Variants in SNAP91 observed in about 807,000 individuals in gnomAD.
SNAP91 encodes the protein synaptosome associated protein 91.
In SNAP91, 27 loss-of-function variants were observed where a neutral mutation model predicts 100.3. The observed-to-expected ratio is 0.27, with a 90% confidence interval of 0.20 to 0.37. SNAP91 has a LOEUF of 0.37. Ranked by LOEUF, SNAP91 falls within the 10% of genes least tolerant of loss-of-function variation. The probability of loss-of-function intolerance (pLI) is 1.00; values close to 1 mark genes in which losing one functional copy is unlikely to be tolerated. For missense variants in SNAP91, 986 were observed against 1,123.7 expected (o/e 0.88, Z 1.75); for synonymous variants, 404 against 398.6 (o/e 1.01, Z -0.16).
intron 8 of SNAP91, among the ~76,000 whole-genome samples, chr6:83,624,224 G>T (rs2096844561): frequency 6.6e-6 from 1 of 151,944 alleles, no homozygotes; most frequent in African/African-American, 2.4e-5. Context: ...ATTAATAAAG[G>T]TAAATCAATG....
intron 1 of SNAP91, 117 bp from the exon 2 acceptor site, chr6:83,708,074 G>T: frequency 1.2e-6 from 1 of 856,148 alleles, no homozygotes; most frequent in Non-Finnish European, 1.7e-6. Context: ...CCCCACCCTG[G>T]CACCACCTCT....
At chr6:83,608,463 C>A (rs1277050185) in intron 12 of SNAP91, among the ~76,000 whole-genome samples, 1 of 151,986 alleles carries the variant, frequency 6.6e-6, no homozygotes, top group Non-Finnish European at 1.5e-5. Context: ...TATTTAGTTA[C>A]TGTAACTAAA....
At chr6:83,692,968 TCTCA>T (rs1261765934) in intron 2 of SNAP91, among the ~76,000 whole-genome samples, 1 of 152,108 alleles carries the variant, frequency 6.6e-6, no homozygotes, top group Non-Finnish European at 1.5e-5. Context: ...TGAGACAGGG[TCTCA>T]CTATGTTGCC....
intron 16 of SNAP91, among the ~76,000 whole-genome samples, chr6:83,597,144 G>T (rs1419112671): frequency 6.6e-6 from 1 of 152,098 alleles, no homozygotes; most frequent in Non-Finnish European, 1.5e-5. Context: ...ACACCTGTCA[G>T]AAATTTTCTT....
At chr6:83,659,700 G>A (rs981414157) in intron 5 of SNAP91, among the ~76,000 whole-genome samples, 2 of 151,990 alleles carry the variant, frequency 1.3e-5, no homozygotes, top group Non-Finnish European at 2.9e-5. Context: ...CCAAAGTGCT[G>A]AGACTATAGC....
At chr6:83,555,956 T>TA (rs1441702451) in intron 29 of SNAP91, among the ~76,000 whole-genome samples, 187 bp downstream of exon 29, 1 of 152,126 alleles carries the variant, frequency 6.6e-6, no homozygotes, top group Non-Finnish European at 1.5e-5. Flanking sequence ...CCCTCCTAGT[T>TA]ACATAAATTA....
chr6:83,616,045 A>G (rs898483825), intron 10 of SNAP91, among the ~76,000 whole-genome samples: 2 of 152,226 alleles, frequency 1.3e-5, no homozygotes, highest in Non-Finnish European at 2.9e-5. Context: ...AAGTGTTTAA[A>G]TGGACATAAT....
rs79592090 is a variant in SNAP91 at position 83,689,429 on chromosome 6, G to C, written c.130+18369C>G. On this transcript the variant is annotated intron_variant, in intron 2 of 29. Transcript: ENST00000369694. ...CTAACACCTAGGAGAATATACTATG[G>C]TCTCTAGTAAAAATTAGTTGAATAT... Among the ~76,000 whole-genome samples, 1,185 of 152,012 alleles carry C rather than the reference G, an allele frequency of 7.8e-3. 16 individuals carry two copies. The highest frequency in any genetic ancestry group is 0.027 in the African/African-American group (1,106 of 41,462).
intron 26 of SNAP91, among the ~76,000 whole-genome samples, chr6:83,564,348 TA>T (rs1359219356): frequency 1.5e-5 from 2 of 136,658 alleles, no homozygotes; most frequent in Admixed American, 8.4e-5. Context: ...TTTTTTTTTA[TA>T]TATATATATA....
chr6:83,591,974 G>A (rs149176237), intron 21 of SNAP91, among the ~76,000 whole-genome samples: 214 of 152,298 alleles, frequency 1.4e-3, no homozygotes, highest in Middle Eastern at 3.4e-3. Flanking sequence ...CTAACTCTTT[G>A]TAAGGATAGC....
chr6:83,703,145 A>G (rs943199651), intron 2 of SNAP91, among the ~76,000 whole-genome samples: 1 of 150,752 alleles, frequency 6.6e-6, no homozygotes, highest in Admixed American at 6.7e-5. Flanking sequence ...GGTACAGTAA[A>G]GTGAGAGGGT....
At chr6:83,701,014 T>C (rs1184273424) in intron 2 of SNAP91, among the ~76,000 whole-genome samples, 1 of 152,194 alleles carries the variant, frequency 6.6e-6, no homozygotes, top group Admixed American at 6.5e-5. Context: ...AATTCTAAGA[T>C]TTCATGCATG....
At chr6:83,619,506 T>C (rs1236740577) in intron 9 of SNAP91, among the ~76,000 whole-genome samples, 1 of 152,168 alleles carries the variant, frequency 6.6e-6, no homozygotes, top group East Asian at 1.9e-4. Context: ...ATGAGCAGGC[T>C]CTTTAGTTGC....
rs2099247616 is a variant in SNAP91, at chr6:83,698,311, A to G, written c.130+9487T>C. On this transcript the variant is annotated intron_variant, in intron 2 of 29. Transcript: ENST00000369694. ...TTAGATGAACTCACAAGAAAATAAA[A>G]GCAATCTCCAAGGCCAAAAAAAAAA... is the stretch of plus-strand genomic sequence containing the variant. Among the ~76,000 whole-genome samples, 3 of 148,148 alleles carry G rather than the reference A, an allele frequency of 2.0e-5. No homozygotes were observed. In the South Asian group the frequency reaches 6.5e-4, roughly 32 times the overall value.
At chr6:83,625,214 A>G (rs2096886217) in intron 8 of SNAP91, among the ~76,000 whole-genome samples, 1 of 152,140 alleles carries the variant, frequency 6.6e-6, no homozygotes, top group African/African-American at 2.4e-5. Flanking sequence ...TGCTAAGGGC[A>G]TGATTTCATT....
chr6:83,651,611 A>G (rs149632095), intron 7 of SNAP91, among the ~76,000 whole-genome samples: 1 of 152,240 alleles, frequency 6.6e-6, no homozygotes, highest in African/African-American at 2.4e-5. Context: ...AGATGGTTGT[A>G]TGATTCCTAT....
chr6:83,647,819 C>G (rs75081761), intron 7 of SNAP91, among the ~76,000 whole-genome samples: 10 of 152,082 alleles, frequency 6.6e-5, no homozygotes, highest in Non-Finnish European at 1.5e-4. Flanking sequence ...TACCACACAC[C>G]AGATAACTTG....
intron 12 of SNAP91, among the ~76,000 whole-genome samples, chr6:83,609,303 C>A (rs2128298130): frequency 6.6e-6 from 1 of 152,040 alleles, no homozygotes; most frequent in East Asian, 1.9e-4. Flanking sequence ...ACAGACCAAC[C>A]CAAAGGATGC....
chr6:83,596,197 G>C (rs898217420), intron 16 of SNAP91, among the ~76,000 whole-genome samples: 2 of 152,132 alleles, frequency 1.3e-5, no homozygotes, highest in African/African-American at 4.8e-5. Flanking sequence ...TGGGATTACA[G>C]GCCTACAGCA....
Sources: gnomAD v4.1 joint callset for allele counts (sites outside exome capture counted in the v4.1 genomes callset) on GRCh38, gnomAD v4.1.1 for gene constraint, MANE v1.5 for transcripts, NCBI Gene and HGNC (gene_info 2026-07-23, HGNC 2026-07-21) for gene names.